Variants in SCN10A observed in about 807,000 individuals in gnomAD.
SCN10A encodes the protein sodium voltage-gated channel alpha subunit 10.
In SCN10A, 162 loss-of-function variants were observed where a neutral mutation model predicts 170.7. That is an observed-to-expected ratio of 0.95 (90% CI 0.84 to 1.08). The LOEUF is 1.08. SCN10A is among the 50% of genes least tolerant of loss of function. The probability of loss-of-function intolerance (pLI) is 0.00; values close to 1 mark genes in which losing one functional copy is unlikely to be tolerated. For missense variants in SCN10A, 2,527 were observed against 2,436.9 expected (o/e 1.04, Z -0.78); for synonymous variants, 985 against 904.6 (o/e 1.09, Z -1.59).
chr3:38,801,225 T>C (rs1395165929), intron 1 of SCN10A, among the ~76,000 whole-genome samples: 1 of 152,152 alleles, frequency 6.6e-6, no homozygotes, highest in African/African-American at 2.4e-5. Context: ...ATCACAGAAA[T>C]GACTAAGCCT....
rs748299503 is a variant in SCN10A, at chr3:38,756,742, T to A, written c.1222A>T (p.Thr408Ser). The change falls in exon 10 of 28, where the codon ACT becomes TCT. Residue 408 changes from threonine (T) to serine (S), a missense_variant. By Grantham distance (58) the Thr-to-Ser change is moderately conservative. Transcript: ENST00000449082. ...MAYEEQNQAT[T>S]DEIEAKEKKF... is the part of the protein sequence containing the mutation. ...TTCTCCTTTGCTTCAATTTCATCAG[T>A]GGTTGCCTGGTTCTGCTCCTCATAC... 6 of 1,614,036 alleles carry A rather than the reference T, an allele frequency of 3.7e-6. No homozygotes were observed. Among genetic ancestry groups the A allele is most frequent in the Non-Finnish European group, 8.5e-7 (1 of 1,180,014 alleles).
In SCN10A at chr3:38,757,103, T is replaced by C; in HGVS notation, c.1007A>G (p.Tyr336Cys). Residue 336 changes from tyrosine to cysteine, a missense_variant, in exon 9 of 28, where the codon TAC becomes TGC. Tyr to Cys is a radical substitution (Grantham distance 194). Coordinates refer to ENST00000449082, the MANE Select transcript of SCN10A (RefSeq NM_006514.4). ...CCAAGCAAAGGAATCAAAGCTGGTG[T>C]AGTTAAAATCCGGGTTGTCAGAAGT... The part of the protein sequence containing the change: ...LKTSDNPDFN[Y>C]TSFDSFAWAF... The C allele has an allele frequency of 1.9e-6, 3 of 1,613,692 alleles. No individual in the cohort carries two copies. The highest frequency in any genetic ancestry group is 2.5e-6 in the Non-Finnish European group (3 of 1,179,832).
At chr3:38,788,276 G>C (rs79788213) in intron 4 of SCN10A, among the ~76,000 whole-genome samples, 1 of 149,734 alleles carries the variant, frequency 6.7e-6, no homozygotes, top group African/African-American at 2.5e-5. Flanking sequence ...ATAACCAAAG[G>C]TATGTTAGGT....
intron 13 of SCN10A, among the ~76,000 whole-genome samples, chr3:38,747,493 C>T (rs2063703799): frequency 6.6e-6 from 1 of 152,152 alleles, no homozygotes; most frequent in East Asian, 1.9e-4. Context: ...CTCATTTAAT[C>T]CTCACAAAAC....
Position 38,697,852 on chromosome 3 carries a change from G to C in SCN10A, c.5368C>G (p.Leu1790Val), listed in dbSNP as rs757243333. 2 of 1,614,144 alleles carry C rather than the reference G, an allele frequency of 1.2e-6. No homozygotes were observed. Among genetic ancestry groups the C allele is most frequent in the Admixed American group, 3.3e-5 (2 of 60,020 alleles). Residue 1790 changes from leucine (L) to valine (V), a missense_variant, in exon 28 of 28, where the codon CTG (leucine) becomes GTG (valine). Coordinates refer to ENST00000449082, the MANE Select transcript of SCN10A (RefSeq NM_006514.4). ...ATCTTATCTCCAGGGACCAAAGGCA[G>C]GTCCATCTGGATCAGTATATTTCGA... ...PNRNILIQMD[L>V]PLVPGDKIHC...
At chr3:38,772,322 GA>G (rs147803028) in intron 4 of SCN10A, among the ~76,000 whole-genome samples, 12,534 of 133,622 alleles carry the variant, frequency 0.094, 896 homozygotes, top group African/African-American at 0.22. Flanking sequence ...CCAAACAACT[GA>G]AAAAAAAAAA....
intron 14 of SCN10A, 108 bp downstream of exon 14, chr3:38,742,183 C>T: frequency 1.3e-6 from 1 of 752,468 alleles, no homozygotes; most frequent in East Asian, 2.6e-5. Context: ...ACTGGCTCAA[C>T]ACACTAACCA....
chr3:38,795,504 T>G (rs2064334996), intron 1 of SCN10A, among the ~76,000 whole-genome samples: 1 of 151,890 alleles, frequency 6.6e-6, no homozygotes, highest in Admixed American at 6.6e-5. Flanking sequence ...CACACTCGGC[T>G]AGTTTTGAAA....
intron 1 of SCN10A, among the ~76,000 whole-genome samples, chr3:38,800,040 G>T (rs950193467): frequency 7.9e-5 from 12 of 152,152 alleles, no homozygotes; most frequent in South Asian, 4.1e-4. Context: ...TTCTCAGAAA[G>T]TTTGTCAGCC....
intron 4 of SCN10A, among the ~76,000 whole-genome samples, chr3:38,778,759 A>G (rs2064104294): frequency 6.6e-6 from 1 of 152,212 alleles, no homozygotes; most frequent in Admixed American, 6.5e-5. Context: ...TCTCAGCAAC[A>G]TAGGAAACAA....
chr3:38,790,486 T>C (rs2064266596), intron 3 of SCN10A, among the ~76,000 whole-genome samples: 3 of 151,992 alleles, frequency 2.0e-5, no homozygotes, highest in African/African-American at 7.2e-5. Flanking sequence ...TATTTCTAAT[T>C]AGCTGTTTCT....
chr3:38,771,385 T>C lies in SCN10A; in HGVS notation c.493A>G (p.Thr165Ala). The C allele has an allele frequency of 6.2e-7, 1 of 1,613,988 alleles. No individual in the cohort carries two copies. Among genetic ancestry groups the C allele is most frequent in the African/African-American group, 1.3e-5 (1 of 74,992 alleles). The part of the protein sequence containing the change: ...KIEYVFTVIY[T>A]FEALIKILAR... ...AGTATCTTTATCAAGGCTTCAAAGGTGTAAATGACAGTGAAGACATATCTG... is the reference window on the plus strand; with the variant it reads ...AGTATCTTTATCAAGGCTTCAAAGGCGTAAATGACAGTGAAGACATATCTG... The change falls in exon 5 of 28, where the codon ACC (threonine) becomes GCC (alanine). Residue 165 changes from threonine to alanine, a missense_variant. Thr to Ala is a moderately conservative substitution (Grantham distance 58, BLOSUM62 0). Transcript: ENST00000449082.
intron 15 of SCN10A, among the ~76,000 whole-genome samples, chr3:38,735,606 G>T (rs568563556): frequency 6.6e-6 from 1 of 152,324 alleles, no homozygotes; most frequent in African/African-American, 2.4e-5. Flanking sequence ...ATGAAAGTGT[G>T]CAGGCCAAGA....
chr3:38,793,762 A>C lies in SCN10A; in HGVS notation c.249T>G (p.Asp83Glu). The C allele has an allele frequency of 6.2e-7, 1 of 1,613,800 alleles. No homozygotes were observed. ...TTACCCGGTGTGTGCTGTAGAACGG[A>C]TCTAGATCCTCCAGGGGCTCCCCGA... Reference protein sequence around the residue: ...ELIGEPLEDLDPFYSTHRTFM... With the variant: ...ELIGEPLEDLEPFYSTHRTFM... The change falls in exon 2 of 28, where the codon GAT (aspartate) becomes GAG (glutamate). Residue 83 changes from aspartate to glutamate, a missense_variant. Asp to Glu is a conservative substitution (Grantham distance 45, BLOSUM62 2). Coordinates refer to ENST00000449082, the MANE Select transcript of SCN10A (RefSeq NM_006514.4).
intron 1 of SCN10A, among the ~76,000 whole-genome samples, chr3:38,804,967 G>A (rs971046794): frequency 2.6e-5 from 4 of 152,158 alleles, no homozygotes. Flanking sequence ...CTAGTTGTGG[G>A]AATGATTTTA....
intron 14 of SCN10A, among the ~76,000 whole-genome samples, chr3:38,740,605 G>A (rs918971707): frequency 6.6e-6 from 1 of 152,092 alleles, no homozygotes; most frequent in Non-Finnish European, 1.5e-5. Flanking sequence ...AGAGACCTGG[G>A]TCCACCCTGG....
In SCN10A at chr3:38,710,826, C is replaced by G. The variant is rs1235649429; in HGVS notation, c.4143+18G>C. On this transcript the variant is annotated intron_variant, in intron 24 of 27. Coordinates refer to ENST00000449082, the MANE Select transcript of SCN10A (RefSeq NM_006514.4). Reference sequence around the variant, plus strand: ...TGCACAGAGGGGAAGGCTGTAGGGACAGTGGGCTGAGACTCACCTCCCGGG... The same window carrying G: ...TGCACAGAGGGGAAGGCTGTAGGGAGAGTGGGCTGAGACTCACCTCCCGGG... 9.9e-6 allele frequency: 16 copies of G among 1,611,118 alleles called. No individual in the cohort carries two copies. Among genetic ancestry groups the G allele is most frequent in the South Asian group, 8.8e-5 (8 of 90,680 alleles).
intron 13 of SCN10A, among the ~76,000 whole-genome samples, chr3:38,746,146 A>G (rs1290531991): frequency 1.4e-5 from 2 of 142,382 alleles, no homozygotes; most frequent in Admixed American, 7.3e-5. Context: ...CCTAAAGTCA[A>G]CTTCCTACTG....
At chr3:38,734,338 A>C (rs7375034) in intron 15 of SCN10A, among the ~76,000 whole-genome samples, 2,210 of 152,260 alleles carry the variant, frequency 0.015, 59 homozygotes, top group Admixed American at 0.059. Context: ...GCTTTAAAAA[A>C]AAAATGGCAT....
Sources: allele counts gnomAD v4.1 joint callset (sites outside exome capture counted in the v4.1 genomes callset), GRCh38; gene constraint gnomAD v4.1.1; transcripts MANE v1.5; gene names NCBI Gene and HGNC (gene_info 2026-07-23, HGNC 2026-07-21).